HCRTR2: variants seen among roughly 807,000 people sequenced by gnomAD.
HCRTR2 encodes the protein orexin receptor type 2.
HCRTR2 carries 22 observed loss-of-function variants against 49.0 expected under a neutral mutation model. That is an observed-to-expected ratio of 0.45 (90% CI 0.32 to 0.64). The LOEUF (loss-of-function observed/expected upper bound fraction) is 0.64. HCRTR2 is among the 30% of genes least tolerant of loss of function. The pLI is 0.04. For synonymous variants in HCRTR2, 236 were observed against 205.3 expected (o/e 1.15, Z -1.28); for missense variants, 491 against 559.4 (o/e 0.88, Z 1.23).
intron 1 of HCRTR2, among the ~76,000 whole-genome samples, chr6:55,116,246 C>T (rs1764114389): frequency 1.3e-5 from 2 of 151,654 alleles, no homozygotes; most frequent in Admixed American, 6.6e-5. Flanking sequence ...GACTGTATCA[C>T]ATAGTATAAC....
chr6:55,174,295 G>A (rs1354610009), upstream of HCRTR2: 28 of 457,546 alleles, frequency 6.1e-5, no homozygotes, highest in Admixed American at 9.4e-4. Flanking sequence ...CAGCTGAGCC[G>A]GACGTAGCTT....
downstream of HCRTR2, among the ~76,000 whole-genome samples, chr6:55,283,796 T>A (rs1767238646): frequency 6.6e-6 from 1 of 152,198 alleles, no homozygotes; most frequent in South Asian, 2.1e-4. Context: ...TAATTTTTGT[T>A]ATTTTTTCAT....
chr6:55,208,318 A>AT (rs1554173572), intron 1 of HCRTR2, among the ~76,000 whole-genome samples: 1 of 140,270 alleles, frequency 7.1e-6, no homozygotes, highest in East Asian at 2.2e-4. Flanking sequence ...TCTACGAAAA[A>AT]TAAAAAAATA....
At chr6:55,111,751 A>G (rs908647839) in intron 1 of HCRTR2, among the ~76,000 whole-genome samples, 1 of 151,976 alleles carries the variant, frequency 6.6e-6, no homozygotes, top group Non-Finnish European at 1.5e-5. Context: ...TCCTGTTGAT[A>G]CTATTCCAAA....
intron 3 of HCRTR2, among the ~76,000 whole-genome samples, chr6:55,262,881 G>A (rs1348823930): frequency 1.3e-5 from 2 of 150,182 alleles, no homozygotes; most frequent in Non-Finnish European, 3.0e-5. Flanking sequence ...CGACTTATTC[G>A]TAAGTGTCTA....
chr6:55,244,279 TC>T (rs1766389902), intron 1 of HCRTR2, among the ~76,000 whole-genome samples: 1 of 152,038 alleles, frequency 6.6e-6, no homozygotes. Context: ...ATATATTTTA[TC>T]CATTAAAGGA....
chr6:55,213,389 AG>A (rs1229908592), intron 1 of HCRTR2, among the ~76,000 whole-genome samples: 1 of 152,164 alleles, frequency 6.6e-6, no homozygotes, highest in African/African-American at 2.4e-5. Flanking sequence ...TTATAATTTA[AG>A]GAGAATTAAA....
At chr6:55,156,489 G>A (rs191025466) in intron 1 of HCRTR2, among the ~76,000 whole-genome samples, 2 of 151,776 alleles carry the variant, frequency 1.3e-5, no homozygotes, top group African/African-American at 2.4e-5. Context: ...ATTAAAACTA[G>A]AGTTTCTTTA....
At chr6:55,255,540 C>T (rs552336553) in intron 3 of HCRTR2, among the ~76,000 whole-genome samples, 161 bp downstream of exon 3, 1 of 152,294 alleles carries the variant, frequency 6.6e-6, no homozygotes, top group African/African-American at 2.4e-5. Flanking sequence ...AAAACAATTT[C>T]ACAGAATAAC....
chr6:55,113,624 T>C (rs940144557), intron 1 of HCRTR2, among the ~76,000 whole-genome samples: 2 of 151,216 alleles, frequency 1.3e-5, no homozygotes, highest in Non-Finnish European at 3.0e-5. Flanking sequence ...ATTTTAACCA[T>C]AATTAAAAAA....
chr6:55,241,540 A>G (rs1359393206), intron 1 of HCRTR2, among the ~76,000 whole-genome samples: 2 of 152,172 alleles, frequency 1.3e-5, no homozygotes, highest in Non-Finnish European at 2.9e-5. Context: ...TAAACAACCA[A>G]GAAATCGCAA....
chr6:55,280,062 A>G (rs372257710), intron 5 of HCRTR2, among the ~76,000 whole-genome samples: 10 of 152,202 alleles, frequency 6.6e-5, no homozygotes, highest in Admixed American at 2.6e-4. Context: ...ATTCTTATTT[A>G]CAAGAAATAC....
At position 55,142,502 on chromosome 6, in the gene HCRTR2, C is replaced by T. The variant is rs188917877; in HGVS notation, c.-377-31709C>T. ...GATTACAGGCATGAGCCACCGGGCC[C>T]GGCCTCAACTGATCATTTAATGTTT... On this transcript the variant is annotated intron_variant, in intron 1 of 7. Transcript: ENST00000615358. 1.7e-3 allele frequency among the ~76,000 whole-genome samples: 251 copies of T among 151,830 alleles called. 2 individuals are homozygous for T. Among genetic ancestry groups the T allele is most frequent in the East Asian group, 1.4e-3 (7 of 5,146 alleles).
chr6:55,240,301 T>A (rs1180799536), intron 1 of HCRTR2, among the ~76,000 whole-genome samples: 1 of 128,262 alleles, frequency 7.8e-6, no homozygotes, highest in South Asian at 2.4e-4. Flanking sequence ...GAGCTTGCAG[T>A]GAGCCGAGAT....
At chr6:55,255,777 C>T (rs1766641513) in intron 3 of HCRTR2, among the ~76,000 whole-genome samples, 1 of 152,110 alleles carries the variant, frequency 6.6e-6, no homozygotes, top group Non-Finnish European at 1.5e-5. Context: ...GTCAGGGTCC[C>T]TAATGGGCTT....
chr6:55,124,838 T>C (rs1311705617), intron 1 of HCRTR2, among the ~76,000 whole-genome samples: 1 of 152,194 alleles, frequency 6.6e-6, no homozygotes, highest in Admixed American at 6.6e-5. Flanking sequence ...CTTGTTGCAG[T>C]GATCCCTTTA....
At chr6:55,127,159 C>T (rs376974895) in intron 1 of HCRTR2, among the ~76,000 whole-genome samples, 10 of 152,092 alleles carry the variant, frequency 6.6e-5, no homozygotes, top group Admixed American at 1.3e-4. Flanking sequence ...TCTGCCCAAA[C>T]GGCCACCAAG....
chr6:55,126,848 C>T (rs573994292), intron 1 of HCRTR2, among the ~76,000 whole-genome samples: 1 of 152,298 alleles, frequency 6.6e-6, no homozygotes, highest in Admixed American at 6.5e-5. Flanking sequence ...GTCTTCCTGG[C>T]TGCTTTGTTT....
At chr6:55,156,167 A>G (rs897666091) in intron 1 of HCRTR2, among the ~76,000 whole-genome samples, 1 of 151,788 alleles carries the variant, frequency 6.6e-6, no homozygotes, top group South Asian at 2.1e-4. Context: ...TTATTGGAAC[A>G]TGAATGGAAT....
Sources: gnomAD v4.1 joint callset for allele counts (sites outside exome capture counted in the v4.1 genomes callset) on GRCh38, gnomAD v4.1.1 for gene constraint, MANE v1.5 for transcripts, NCBI Gene and HGNC (gene_info 2026-07-23, HGNC 2026-07-21) for gene names.